Variants in SNX30 observed in about 807,000 individuals in gnomAD.
SNX30 encodes the protein sorting nexin family member 30.
In SNX30, 24 loss-of-function variants were observed where a neutral mutation model predicts 46.4. The observed-to-expected ratio is 0.52, with a 90% CI of 0.37 to 0.73. The LOEUF is 0.73. SNX30 is among the 30% of genes least tolerant of loss of function. The pLI is 0.00. For synonymous variants in SNX30, 189 were observed against 211.5 expected (o/e 0.89, Z 0.92); for missense variants, 533 against 555.7 (o/e 0.96, Z 0.41).
At chr9:112,749,904 T>A (rs899796441), upstream of SNX30, among the ~76,000 whole-genome samples, 1 of 152,124 alleles carries the variant, frequency 6.6e-6, no homozygotes, top group African/African-American at 2.4e-5. Flanking sequence ...AGACTTGGCC[T>A]TGGAAACAGA....
chr9:112,863,685 G>T (rs1271624596), intron 7 of SNX30, among the ~76,000 whole-genome samples: 3 of 152,120 alleles, frequency 2.0e-5, no homozygotes, highest in African/African-American at 4.8e-5. Flanking sequence ...GCATAAACAA[G>T]CCTCCAGTTT....
intron 7 of SNX30, among the ~76,000 whole-genome samples, chr9:112,856,000 CAG>C (rs796593360): frequency 2.0e-5 from 3 of 152,238 alleles, no homozygotes; most frequent in African/African-American, 7.2e-5. Context: ...CTTCGAATGA[CAG>C]TGAGGGTAAC....
At chr9:112,885,266 C>G (rs1381914353), downstream of SNX30, 1 of 152,040 alleles carries the variant, frequency 6.6e-6, no homozygotes, top group Non-Finnish European at 1.5e-5. Context: ...TCCAAAAAAG[C>G]TTTATCACTG....
intron 2 of SNX30, among the ~76,000 whole-genome samples, chr9:112,812,199 T>A (rs12003317): frequency 0.013 from 1,932 of 152,326 alleles, 54 homozygotes; most frequent in African/African-American, 0.044. Context: ...TAGAACAAAT[T>A]GTGGTAAAAA....
chr9:112,816,784 T>C (rs1171817042), intron 2 of SNX30, among the ~76,000 whole-genome samples: 1 of 152,236 alleles, frequency 6.6e-6, no homozygotes, highest in African/African-American at 2.4e-5. Flanking sequence ...TTTTATCTTG[T>C]ACTTTAATTT....
chr9:112,843,023 A>C (rs1840883456), intron 6 of SNX30, among the ~76,000 whole-genome samples: 1 of 152,248 alleles, frequency 6.6e-6, no homozygotes, highest in South Asian at 2.1e-4. Context: ...CTGTGTGTGT[A>C]TAATGAAATT....
chr9:112,758,187 G>GCTGA (rs1320644853), intron 1 of SNX30, among the ~76,000 whole-genome samples: 1 of 152,122 alleles, frequency 6.6e-6, no homozygotes, highest in Non-Finnish European at 1.5e-5. Context: ...AGAGTCTAAG[G>GCTGA]CTGACTGAGG....
chr9:112,776,072 C>T (rs569946359), intron 1 of SNX30, among the ~76,000 whole-genome samples: 9 of 152,246 alleles, frequency 5.9e-5, no homozygotes, highest in African/African-American at 2.2e-4. Flanking sequence ...ATTTAGAAAT[C>T]TCACCATTCT....
Position 112,750,943 on chromosome 9 carries a change from G to A in SNX30, c.-59G>A, listed in dbSNP as rs1839263628. 8 of 1,181,852 alleles carry A rather than the reference G, an allele frequency of 6.8e-6. No homozygotes were observed. In the South Asian group the frequency reaches 2.5e-4, roughly 37 times the overall value. The allele number at this position is 1,181,852 out of a possible 1,614,324, so 73.2% of individuals were successfully genotyped here. ...GGGCTCGGCCCGGGGTGCTCGGGGA[G>A]CTCGCCGCGGCGGGCAGCAGGAGGA... On this transcript the variant is annotated 5_prime_UTR_variant, in exon 1 of 9. Transcript: ENST00000374232.
chr9:112,767,577 AG>A (rs1839565401), intron 1 of SNX30, among the ~76,000 whole-genome samples: 1 of 151,312 alleles, frequency 6.6e-6, no homozygotes, highest in African/African-American at 2.4e-5. Flanking sequence ...CTTTATTTTA[AG>A]TTACTTTTTA....
At chr9:112,812,976 G>A (rs28494060) in intron 2 of SNX30, among the ~76,000 whole-genome samples, 9,160 of 151,764 alleles carry the variant, frequency 0.06, 620 homozygotes, top group African/African-American at 0.16. Flanking sequence ...GTGAAACCCC[G>A]TCTCTACTAA....
At chr9:112,880,544 C>T (rs1260869818) in intron 5 of SNX30, 1 of 154,054 alleles carries the variant, frequency 6.5e-6, no homozygotes, top group Non-Finnish European at 1.5e-5. Context: ...GATCCCTACA[C>T]TAGCTCATCA....
intron 1 of SNX30, among the ~76,000 whole-genome samples, chr9:112,792,369 C>T (rs1227951588): frequency 6.6e-6 from 1 of 152,200 alleles, no homozygotes; most frequent in Non-Finnish European, 1.5e-5. Flanking sequence ...AATTTACAAT[C>T]ATACATAGAC....
chr9:112,884,939 G>C (rs1300697678), downstream of SNX30, among the ~76,000 whole-genome samples: 1 of 152,162 alleles, frequency 6.6e-6, no homozygotes, highest in Admixed American at 6.6e-5. Flanking sequence ...CAGAGGCTGG[G>C]ACTCCTGAGG....
At position 112,871,002 on chromosome 9, in the gene SNX30, T is replaced by C. The variant is rs1410220858; in HGVS notation, c.*2159T>C. ...GGAAAGAAGGCAGCACTTGAAAAAA[T>C]TTACCAGGTTCCTCACTGGGAGATG... On this transcript the variant is annotated 3_prime_UTR_variant, in exon 9 of 9. Transcript: ENST00000374232. 7 of 152,034 alleles carry C rather than the reference T, an allele frequency of 4.6e-5. No individual in the cohort carries two copies. The highest frequency in any genetic ancestry group is 2.6e-4 in the Admixed American group (4 of 15,272). The allele number at this position is 152,034 out of a possible 1,614,324, so 9.4% of individuals were successfully genotyped here.
rs1344539025 is a variant in SNX30 at position 112,870,451 on chromosome 9, A to G, written c.*1608A>G. On this transcript the variant is annotated 3_prime_UTR_variant, in exon 9 of 9. Coordinates refer to ENST00000374232, the MANE Select transcript of SNX30 (RefSeq NM_001012994.2). Reference sequence around the variant, plus strand: ...GCTGTTGATGCCGCAGTTGGACAGCATAGGACGGCTTGGTTCTGTTTCATT... The same window carrying G: ...GCTGTTGATGCCGCAGTTGGACAGCGTAGGACGGCTTGGTTCTGTTTCATT... 1 of 152,248 alleles carries G rather than the reference A, an allele frequency of 6.6e-6. No individual in the cohort carries two copies. Among genetic ancestry groups the G allele is most frequent in the South Asian group, 2.1e-4 (1 of 4,834 alleles). 9.4% of individuals were successfully genotyped at this position (152,248 alleles called of 1,614,324 possible). A position where few individuals can be genotyped will look rare whatever the true frequency, so the allele number is the denominator to read the frequency against.
chr9:112,852,035 G>A (rs2131483654), intron 7 of SNX30, among the ~76,000 whole-genome samples: 2 of 152,290 alleles, frequency 1.3e-5, no homozygotes, highest in Middle Eastern at 6.8e-3. Flanking sequence ...CTTTAAGTGA[G>A]ACTGAGACAT....
intron 6 of SNX30, among the ~76,000 whole-genome samples, chr9:112,839,408 G>A (rs1297087460): frequency 6.6e-6 from 1 of 152,210 alleles, no homozygotes; most frequent in Non-Finnish European, 1.5e-5. Context: ...AGGGGCAGAT[G>A]ATGTATAAAA....
At chr9:112,854,101 A>G (rs1410781316) in intron 7 of SNX30, among the ~76,000 whole-genome samples, 1 of 152,210 alleles carries the variant, frequency 6.6e-6, no homozygotes, top group Non-Finnish European at 1.5e-5. Flanking sequence ...GTCATTTAAT[A>G]TGTTCATCCC....
Sources: allele counts gnomAD v4.1 joint callset (sites outside exome capture counted in the v4.1 genomes callset), GRCh38; gene constraint gnomAD v4.1.1; transcripts MANE v1.5; gene names NCBI Gene and HGNC (gene_info 2026-07-23, HGNC 2026-07-21).